OSBPL10: variants seen among roughly 807,000 people sequenced by gnomAD.
The protein encoded by OSBPL10 is oxysterol binding protein like 10.
A neutral mutation model predicts 81.7 loss-of-function variants in OSBPL10; 49 were observed. The observed-to-expected ratio is 0.60, with a 90% CI of 0.48 to 0.76. The LOEUF (loss-of-function observed/expected upper bound fraction) is 0.76. OSBPL10 is among the 30% of genes least tolerant of loss of function. The probability of loss-of-function intolerance (pLI) is 0.00; values close to 1 mark genes in which losing one functional copy is unlikely to be tolerated. For missense variants in OSBPL10, 923 were observed against 987.8 expected, an observed-to-expected ratio of 0.93 and a Z score of 0.88; for synonymous variants, 419 against 383.6, an observed-to-expected ratio of 1.09 and a Z score of -1.08.
chr3:31,950,540 CAACTT>C (rs1260933738), intron 1 of OSBPL10, among the ~76,000 whole-genome samples: 8 of 152,190 alleles, frequency 5.3e-5, no homozygotes, highest in African/African-American at 1.9e-4. Context: ...CTTTAGAAAA[CAACTT>C]AACATCATCT....
At chr3:31,696,172 A>G (rs1695715953) in intron 7 of OSBPL10, among the ~76,000 whole-genome samples, 1 of 151,010 alleles carries the variant, frequency 6.6e-6, no homozygotes, top group African/African-American at 2.5e-5. Context: ...CCCTGCTGCA[A>G]TGGATGCATT....
chr3:31,985,221 A>G (rs747896692), upstream of OSBPL10, among the ~76,000 whole-genome samples: 9 of 152,264 alleles, frequency 5.9e-5, no homozygotes, highest in Admixed American at 3.3e-4. Flanking sequence ...CCTGGGCAAC[A>G]GAGCAAGACT....
intron 3 of OSBPL10, among the ~76,000 whole-genome samples, chr3:31,839,806 T>A (rs148611704): frequency 6.6e-6 from 1 of 150,452 alleles, no homozygotes; most frequent in Non-Finnish European, 1.5e-5. Flanking sequence ...AGTTCCTGAA[T>A]TAGAAATTAC....
chr3:31,879,576 A>G, intron 2 of OSBPL10, 79 bp downstream of exon 2: 1 of 1,454,636 alleles, frequency 6.9e-7, no homozygotes, highest in Non-Finnish European at 9.3e-7. Context: ...ATTTAAAAAA[A>G]CAAAAAATCA....
intron 1 of OSBPL10, among the ~76,000 whole-genome samples, chr3:31,938,575 C>T (rs1005688327): frequency 6.6e-6 from 1 of 152,156 alleles, no homozygotes; most frequent in Non-Finnish European, 1.5e-5. Flanking sequence ...GTGGTGCGAT[C>T]ATGGCTCACT....
chr3:31,808,220 C>G (rs1177676312), intron 4 of OSBPL10, among the ~76,000 whole-genome samples: 1 of 152,106 alleles, frequency 6.6e-6, no homozygotes, highest in Non-Finnish European at 1.5e-5. Flanking sequence ...GCAGGTTTGA[C>G]AGGAGGTTGG....
chr3:31,948,078 C>A (rs1697753170), intron 1 of OSBPL10, among the ~76,000 whole-genome samples: 1 of 152,138 alleles, frequency 6.6e-6, no homozygotes, highest in South Asian at 2.1e-4. Flanking sequence ...CTAGAGGGTT[C>A]CTCCCCTGCA....
chr3:31,759,889 A>G (rs917279560), intron 4 of OSBPL10, among the ~76,000 whole-genome samples: 5 of 152,096 alleles, frequency 3.3e-5, no homozygotes, highest in African/African-American at 9.6e-5. Flanking sequence ...CCTCCTGAGT[A>G]GCTGGAATTA....
At chr3:31,860,739 A>C (rs1486578739) in intron 3 of OSBPL10, among the ~76,000 whole-genome samples, 1 of 152,094 alleles carries the variant, frequency 6.6e-6, no homozygotes, top group Non-Finnish European at 1.5e-5. Flanking sequence ...GCAGTGGCAC[A>C]ATATCGGCTC....
At chr3:32,001,735 G>A (rs1158825204) in intron 2 of OSBPL10, among the ~76,000 whole-genome samples, 8 of 147,962 alleles carry the variant, frequency 5.4e-5, no homozygotes, top group African/African-American at 1.8e-4. Context: ...CTAATATCAA[G>A]TGTAAAAAAA....
At chr3:31,731,418 A>C (rs1383533782) in intron 6 of OSBPL10, among the ~76,000 whole-genome samples, 1 of 152,182 alleles carries the variant, frequency 6.6e-6, no homozygotes, top group East Asian at 1.9e-4. Flanking sequence ...TAATGAAAAA[A>C]GCTCTGGCTA....
At chr3:32,000,876 T>G (rs562459666) in intron 2 of OSBPL10, among the ~76,000 whole-genome samples, 1 of 152,304 alleles carries the variant, frequency 6.6e-6, no homozygotes, top group South Asian at 2.1e-4. Flanking sequence ...CTCTAAGACG[T>G]GCAGCTTTCC....
intron 1 of OSBPL10, among the ~76,000 whole-genome samples, chr3:31,969,992 C>A (rs1167727752): frequency 6.6e-6 from 1 of 152,058 alleles, no homozygotes; most frequent in African/African-American, 2.4e-5. Flanking sequence ...CCTAGTTTAC[C>A]CTAAGCCAAA....
At position 31,668,715 on chromosome 3, in the gene OSBPL10, T is replaced by C. The variant is rs1700256833; in HGVS notation, c.2023A>G (p.Ile675Val). ...TACACTGGCAGTGTGGTTGTGTCGA[T>C]GACTTTGGTTTCTCCATTGTTGTAG... Reference protein sequence around the residue: ...FTYNNGETKVIDTTTLPVYPK... With the variant: ...FTYNNGETKVVDTTTLPVYPK... The change falls in exon 10 of 12, where the codon ATC becomes GTC. Residue 675 changes from isoleucine to valine, a missense_variant. Physicochemically the swap from Ile to Val is conservative, Grantham distance 29. Around this residue, in one of 3 missense-constraint regions of OSBPL10, gnomAD observed 387 missense variants for 436.3 expected, o/e 0.89. Transcript: ENST00000396556. The C allele has an allele frequency of 3.7e-6, 6 of 1,614,072 alleles. No individual in the cohort carries two copies. Among genetic ancestry groups the C allele is most frequent in the Non-Finnish European group, 5.1e-6 (6 of 1,180,028 alleles).
intron 4 of OSBPL10, among the ~76,000 whole-genome samples, chr3:31,822,739 A>G (rs1321201408): frequency 2.6e-5 from 4 of 151,776 alleles, no homozygotes; most frequent in Non-Finnish European, 4.4e-5. Flanking sequence ...GCAAGACCCC[A>G]TATTTACAAA....
At chr3:31,747,487 T>TAAAAAAAAAAAAAAAAAAAAAAAAA (rs61150758) in intron 5 of OSBPL10, among the ~76,000 whole-genome samples, 1 of 98,486 alleles carries the variant, frequency 1.0e-5, no homozygotes, top group African/African-American at 3.7e-5. Flanking sequence ...AATCTTCAAA[T>TAAAAAAAAAAAAAAAAAAAAAAAAA]AAAAAAAAAA....
intron 3 of OSBPL10, among the ~76,000 whole-genome samples, chr3:31,856,267 C>A (rs1241609271): frequency 6.6e-6 from 1 of 151,962 alleles, no homozygotes; most frequent in Non-Finnish European, 1.5e-5. Flanking sequence ...TTAAAAAAAT[C>A]CCCAAACTTT....
chr3:31,850,226 C>A (rs944092006), intron 3 of OSBPL10, among the ~76,000 whole-genome samples: 1 of 151,982 alleles, frequency 6.6e-6, no homozygotes, highest in Non-Finnish European at 1.5e-5. Flanking sequence ...CCTAGCTACT[C>A]AGGAGACTGA....
chr3:32,008,567 CA>C (rs60287692), intron 2 of OSBPL10, among the ~76,000 whole-genome samples: 46,104 of 136,844 alleles, frequency 0.34, 7,807 homozygotes, highest in East Asian at 0.47. Flanking sequence ...CCCGTTTCTA[CA>C]AAAAAAAAAA....
Sources: gnomAD v4.1 joint callset for allele counts (sites outside exome capture counted in the v4.1 genomes callset) on GRCh38, gnomAD v4.1.1 for gene constraint, gnomAD v4.1.1 regional missense constraint, MANE v1.5 for transcripts, NCBI Gene and HGNC (gene_info 2026-07-23, HGNC 2026-07-21) for gene names.